DDX46: variants seen among roughly 807,000 people sequenced by gnomAD.
DDX46 encodes the protein probable ATP-dependent RNA helicase DDX46.
DDX46 carries 30 observed loss-of-function variants against 134.9 expected under a neutral mutation model. The observed-to-expected ratio is 0.22, with a 90% CI of 0.17 to 0.30. The LOEUF is 0.30. Ranked by LOEUF, DDX46 falls within the 10% of genes least tolerant of loss-of-function variation. The probability of loss-of-function intolerance (pLI) is 1.00; values close to 1 mark genes in which losing one functional copy is unlikely to be tolerated. For missense variants in DDX46, 622 were observed against 1,248.7 expected (o/e 0.50, Z 7.56); for synonymous variants, 415 against 404.1 (o/e 1.03, Z -0.32).
At chr5:134,811,976 T>G in intron 18 of DDX46, 131 bp downstream of exon 18, 2 of 1,067,502 alleles carry the variant, frequency 1.9e-6, no homozygotes, top group Non-Finnish European at 2.6e-6. Context: ...AGAACAGTTT[T>G]GGAAAATCTG....
intron 3 of DDX46, among the ~76,000 whole-genome samples, chr5:134,769,852 G>T (rs1177090350): frequency 6.6e-6 from 1 of 151,946 alleles, no homozygotes; most frequent in Non-Finnish European, 1.5e-5. Flanking sequence ...CGGCCGAGTT[G>T]GGGTTTCACC....
rs115102764 is a variant in DDX46, at chr5:134,781,926, T to C, written c.885T>C (p.Ser295=). The C allele has an allele frequency of 9.8e-4, 1,578 of 1,605,776 alleles. 1 individual carries two copies. The highest frequency in any genetic ancestry group is 1.3e-3 in the Non-Finnish European group (1,524 of 1,178,250). The change falls in exon 8 of 23, where the codon TCT becomes TCC. Residue 295 remains serine, a synonymous_variant. Coordinates refer to ENST00000452510, the MANE Select transcript of DDX46 (RefSeq NM_001300860.2). ...MENDQDAMEY[S]SEEEEVDLQT... Reference sequence around the variant, plus strand: ...TTTTTTCTTTTAAACTATAGTATTCTTCAGAGGAGGAAGAAGTTGATCTTC... The same window carrying C: ...TTTTTTCTTTTAAACTATAGTATTCCTCAGAGGAGGAAGAAGTTGATCTTC...
At position 134,776,872 on chromosome 5, in the gene DDX46, A is replaced by G. The variant is rs1405444904; in HGVS notation, c.614-702A>G. Among the ~76,000 whole-genome samples the G allele has an allele frequency of 4.1e-5, 6 of 147,562 alleles. No individual in the cohort carries two copies. In the East Asian group the frequency reaches 1.2e-3, roughly 30 times the overall value. The stretch of plus-strand genomic sequence containing the variant: ...GAGGTTGCAGTAAGCTGAGATCGCG[A>G]CACTGCACTCCAGCCTGGGCAACAG... On this transcript the variant is annotated intron_variant, in intron 5 of 22. Transcript: ENST00000452510.
At chr5:134,774,795 C>A (rs777505890) in intron 5 of DDX46, among the ~76,000 whole-genome samples, 1 of 152,102 alleles carries the variant, frequency 6.6e-6, no homozygotes, top group African/African-American at 2.4e-5. Context: ...GTCCTGGGCT[C>A]AAGTGATTTT....
At chr5:134,796,278 A>G in intron 15 of DDX46, 128 bp downstream of exon 15, 1 of 981,976 alleles carries the variant, frequency 1.0e-6, no homozygotes, top group Non-Finnish European at 1.5e-6. Context: ...TTTTTACTCT[A>G]AAGTGCTTTG....
In DDX46 at chr5:134,764,111, T is replaced by C; in HGVS notation, c.206+19T>C. 3 of 1,582,416 alleles carry C rather than the reference T, an allele frequency of 1.9e-6. No homozygotes were observed. The highest frequency in any genetic ancestry group is 1.7e-6 in the Non-Finnish European group (2 of 1,163,820). On this transcript the variant is annotated intron_variant, in intron 2 of 22. Coordinates refer to ENST00000452510, the MANE Select transcript of DDX46 (RefSeq NM_001300860.2). ...GTCTGAGGTAAGACATTAATTAATT[T>C]CCAAAAGACGAGTGATAAATTGGGC...
rs762104113 is a variant in DDX46 at position 134,818,816 on chromosome 5, T to G, written c.2833-44T>G. On this transcript the variant is annotated intron_variant, in intron 20 of 22. Coordinates refer to ENST00000452510, the MANE Select transcript of DDX46 (RefSeq NM_001300860.2). ...TTGTCAGCACTCCTGGATTTTTTTG[T>G]CCTGTTATGAAGTGATTTTTCTTTT... 5 of 1,568,812 alleles carry G rather than the reference T, an allele frequency of 3.2e-6. No homozygotes were observed. The South Asian group carries it at 6.0e-5, about 19-fold the overall frequency.
chr5:134,798,903 A>T (rs1754746033), intron 15 of DDX46, among the ~76,000 whole-genome samples: 1 of 152,198 alleles, frequency 6.6e-6, no homozygotes, highest in South Asian at 2.1e-4. Flanking sequence ...TTTGGAAAAA[A>T]ATTTGTCCGT....
In DDX46 at chr5:134,758,790, G is replaced by A; in HGVS notation, c.-149G>A. 1 of 1,270,784 alleles carries A rather than the reference G, an allele frequency of 7.9e-7. No individual in the cohort carries two copies. Among genetic ancestry groups the A allele is most frequent in the Non-Finnish European group, 1.1e-6 (1 of 899,818 alleles). 78.7% of individuals were successfully genotyped at this position (1,270,784 alleles called of 1,614,324 possible). A position where few individuals can be genotyped will look rare whatever the true frequency, so the allele number is the denominator to read the frequency against. ...GGCGCCAGCACGTCCTGTTTTCGTTGGCCGCGCTGGGATGGCCGCCACAGC... is the reference window on the plus strand; with the variant it reads ...GGCGCCAGCACGTCCTGTTTTCGTTAGCCGCGCTGGGATGGCCGCCACAGC... On this transcript the variant is annotated 5_prime_UTR_variant, in exon 1 of 23. Transcript: ENST00000452510.
chr5:134,812,849 G>A (rs1755185243), intron 18 of DDX46, among the ~76,000 whole-genome samples: 1 of 152,142 alleles, frequency 6.6e-6, no homozygotes, highest in Non-Finnish European at 1.5e-5. Flanking sequence ...TATTGGCCAG[G>A]TTGGTCTCAA....
intron 22 of DDX46, among the ~76,000 whole-genome samples, chr5:134,827,883 G>A (rs183479344): frequency 1.3e-3 from 198 of 152,104 alleles, no homozygotes; most frequent in African/African-American, 4.3e-3. Flanking sequence ...TTTTCCTTGG[G>A]TATATACCTC....
At chr5:134,774,746 G>T (rs1475227522) in intron 5 of DDX46, among the ~76,000 whole-genome samples, 1 of 152,022 alleles carries the variant, frequency 6.6e-6, no homozygotes, top group African/African-American at 2.4e-5. Flanking sequence ...GCCTAGGCTG[G>T]AGTGCAGTGG....
At chr5:134,804,887 A>G in intron 15 of DDX46, 5 of 377,174 alleles carry the variant, frequency 1.3e-5, no homozygotes, top group South Asian at 1.2e-4. Flanking sequence ...ACACACATGG[A>G]ACCACCATAG....
intron 4 of DDX46, among the ~76,000 whole-genome samples, chr5:134,772,787 T>C (rs181363565): frequency 6.6e-6 from 1 of 152,338 alleles, no homozygotes; most frequent in Admixed American, 6.5e-5. Context: ...ATTACAAGCA[T>C]GAGCCACCGT....
chr5:134,791,434 G>A (rs34053979), intron 13 of DDX46, among the ~76,000 whole-genome samples: 1,741 of 152,196 alleles, frequency 0.011, 19 homozygotes, highest in Middle Eastern at 0.068. Flanking sequence ...GGTGGCAGGC[G>A]CCTGTAGTCC....
At chr5:134,760,254 C>T (rs1045313482) in intron 1 of DDX46, among the ~76,000 whole-genome samples, 5 of 152,208 alleles carry the variant, frequency 3.3e-5, no homozygotes, top group African/African-American at 7.2e-5. Context: ...TCTAGCCCGT[C>T]AGCCTTCTCC....
intron 18 of DDX46, among the ~76,000 whole-genome samples, chr5:134,812,549 G>A (rs1005835484): frequency 1.3e-5 from 2 of 152,088 alleles, no homozygotes; most frequent in Non-Finnish European, 2.9e-5. Flanking sequence ...AAAGATGTTA[G>A]GTCCAGGACC....
chr5:134,777,891 T>A (rs1329008879), intron 6 of DDX46, 166 bp downstream of exon 6: 1 of 710,054 alleles, frequency 1.4e-6, no homozygotes, highest in Non-Finnish European at 2.2e-6. Flanking sequence ...ACTGGTAAAT[T>A]TTAGCTATAA....
chr5:134,820,111 G>A (rs528793558), intron 21 of DDX46, among the ~76,000 whole-genome samples: 5 of 151,792 alleles, frequency 3.3e-5, no homozygotes, highest in East Asian at 2.0e-4. Flanking sequence ...TAGTAGAGAC[G>A]GGGTTTCACC....
Sources: gnomAD v4.1 joint callset for allele counts (sites outside exome capture counted in the v4.1 genomes callset) on GRCh38, gnomAD v4.1.1 for gene constraint, MANE v1.5 for transcripts, NCBI Gene and HGNC (gene_info 2026-07-23, HGNC 2026-07-21) for gene names.